The following ASH1L variants were observed in gnomAD, a reference collection of about 807,000 sequenced individuals.
ASH1L encodes ASH1 like histone lysine methyltransferase, also known as histone-lysine N-methyltransferase ASH1L.
Under a neutral mutation model 269.0 loss-of-function variants are expected in ASH1L, and 23 were observed. The observed-to-expected ratio is 0.09, with a 90% CI of 0.06 to 0.12. The LOEUF is 0.12. Ranked by LOEUF, ASH1L falls within the 10% of genes least tolerant of loss-of-function variation. ASH1L has a pLI of 1.00. For synonymous variants in ASH1L, 1,187 were observed against 1,253.5 expected, an observed-to-expected ratio of 0.95 and a Z score of 1.12; for missense variants, 2,912 against 3,567.8, an observed-to-expected ratio of 0.82 and a Z score of 4.68.
At chr1:155,521,669 T>C (rs1357777286) in intron 1 of ASH1L, 51 bp from the exon 2 acceptor site, 39 of 671,460 alleles carry the variant, frequency 5.8e-5, no homozygotes, top group Non-Finnish European at 2.4e-6. Flanking sequence ...CAACTACTGA[T>C]TAACATAAGT....
intron 2 of ASH1L, among the ~76,000 whole-genome samples, chr1:155,504,538 G>C (rs888893279): frequency 2.0e-5 from 3 of 151,992 alleles, no homozygotes; most frequent in Non-Finnish European, 4.4e-5. Flanking sequence ...TAAAATAAAA[G>C]TCAGGTACTT....
At chr1:155,381,753 T>C (rs1338169818) in intron 7 of ASH1L, among the ~76,000 whole-genome samples, 3 of 150,844 alleles carry the variant, frequency 2.0e-5, no homozygotes, top group Non-Finnish European at 2.9e-5. Flanking sequence ...CACACGCCTG[T>C]AATCCCAGCT....
At chr1:155,484,967 ACC>A (rs1666229390) in intron 2 of ASH1L, among the ~76,000 whole-genome samples, 2 of 141,328 alleles carry the variant, frequency 1.4e-5, no homozygotes, top group African/African-American at 2.7e-5. Flanking sequence ...AAAAACAAAA[ACC>A]AACCAACCAC....
Position 155,479,527 on chromosome 1 carries a change from T to A in ASH1L, c.3343A>T (p.Ser1115Cys). Residue 1115 changes from serine (S) to cysteine (C), a missense_variant, in exon 3 of 28, where the codon AGT (serine) becomes TGT (cysteine). Physicochemically the swap from Ser to Cys is moderately radical, Grantham distance 112. Transcript: ENST00000392403. ...SPICSQSSGT[S>C]GGQSPVSSDA... ...CTACTTACAGGGCTCTGACCTCCACTAGTCCCAGAAGACTGAGAGCAAATA... is the reference window on the plus strand; with the variant it reads ...CTACTTACAGGGCTCTGACCTCCACAAGTCCCAGAAGACTGAGAGCAAATA... 6.2e-7 allele frequency: 1 copy of A among 1,614,178 alleles called. No individual in the cohort carries two copies. Among genetic ancestry groups the A allele is most frequent in the South Asian group, 1.1e-5 (1 of 91,090 alleles).
chr1:155,419,079 A>G (rs144346936), intron 5 of ASH1L, among the ~76,000 whole-genome samples: 171 of 151,194 alleles, frequency 1.1e-3, no homozygotes, highest in African/African-American at 3.9e-3. Context: ...AATTAAACAA[A>G]AAAGCAGCAG....
chr1:155,403,884 C>T (rs957139773), intron 6 of ASH1L, among the ~76,000 whole-genome samples: 2 of 149,966 alleles, frequency 1.3e-5, no homozygotes, highest in African/African-American at 4.9e-5. Context: ...AAGGCCGTTC[C>T]TACCATTAAA....
rs1655864664 is a variant in ASH1L, at chr1:155,370,670, T to C, written c.6540-20A>G. On this transcript the variant is annotated intron_variant, in intron 11 of 27. Coordinates refer to ENST00000392403, the MANE Select transcript of ASH1L (RefSeq NM_018489.3). ...CTGTTCCTAAAGAGAAGATAAATGATTGAAAGACAATTAAAGAGTAGCTGA... is the reference window on the plus strand; with the variant it reads ...CTGTTCCTAAAGAGAAGATAAATGACTGAAAGACAATTAAAGAGTAGCTGA... 2.5e-6 allele frequency: 4 copies of C among 1,613,564 alleles called. No individual in the cohort carries two copies. The highest frequency in any genetic ancestry group is 4.5e-5 in the East Asian group (2 of 44,884).
intron 5 of ASH1L, among the ~76,000 whole-genome samples, chr1:155,431,505 A>G (rs1661597371): frequency 6.6e-6 from 1 of 151,980 alleles, no homozygotes; most frequent in South Asian, 2.1e-4. Flanking sequence ...TCACACCTGT[A>G]ATCTTAGCAC....
At chr1:155,372,400 C>T (rs12087625) in intron 10 of ASH1L, among the ~76,000 whole-genome samples, 7,181 of 152,016 alleles carry the variant, frequency 0.047, 195 homozygotes, top group Middle Eastern at 0.082. Context: ...CCTCTGCCTC[C>T]TGGATTCAAG....
intron 7 of ASH1L, among the ~76,000 whole-genome samples, chr1:155,384,269 T>C (rs968334260): frequency 2.0e-5 from 3 of 152,220 alleles, no homozygotes; most frequent in Non-Finnish European, 4.4e-5. Context: ...TTCCTTAATC[T>C]AAGAATGCCT....
intron 4 of ASH1L, 49 bp downstream of exon 4, chr1:155,459,748 A>G (rs762740673): frequency 6.9e-7 from 1 of 1,443,848 alleles, no homozygotes; most frequent in South Asian, 1.2e-5. Context: ...ATTCACAAAT[A>G]ACAAATGGGA....
intron 15 of ASH1L, among the ~76,000 whole-genome samples, chr1:155,354,893 G>T (rs919726466): frequency 6.6e-6 from 1 of 152,220 alleles, no homozygotes; most frequent in Non-Finnish European, 1.5e-5. Flanking sequence ...AGAAGGCAGA[G>T]ATTTATTTGT....
At chr1:155,375,595 T>C (rs1313524467) in intron 10 of ASH1L, among the ~76,000 whole-genome samples, 1 of 152,022 alleles carries the variant, frequency 6.6e-6, no homozygotes, top group African/African-American at 2.4e-5. Flanking sequence ...GAGACCAGCG[T>C]GGTCAACATG....
At chr1:155,515,197 T>C (rs1015792112) in intron 2 of ASH1L, among the ~76,000 whole-genome samples, 6 of 152,186 alleles carry the variant, frequency 3.9e-5, no homozygotes, top group African/African-American at 9.7e-5. Flanking sequence ...AGCCCAATTC[T>C]TCTCCAGGAC....
chr1:155,457,874 C>CTCAT (rs1170623515), intron 4 of ASH1L, among the ~76,000 whole-genome samples: 12 of 152,152 alleles, frequency 7.9e-5, no homozygotes, highest in Non-Finnish European at 1.8e-4. Context: ...TTATCAAAAT[C>CTCAT]TCATTCATTT....
intron 7 of ASH1L, among the ~76,000 whole-genome samples, chr1:155,383,459 T>C (rs898130603): frequency 6.6e-5 from 10 of 152,204 alleles, no homozygotes; most frequent in East Asian, 5.8e-4. Context: ...CATTTAGATA[T>C]GTAAATACTT....
intron 5 of ASH1L, among the ~76,000 whole-genome samples, chr1:155,421,942 C>G (rs1571168897): frequency 1.3e-5 from 2 of 152,106 alleles, no homozygotes; most frequent in African/African-American, 2.4e-5. Context: ...CAACCATCAC[C>G]AGTATCCATC....
At position 155,405,261 on chromosome 1, in the gene ASH1L, T is replaced by G. The variant is rs962617530; in HGVS notation, c.6009-9708A>C. Reference sequence around the variant, plus strand: ...TTTAGGGGGCTGAGGGGGGGGCAGATCACTTGAGGTCAGGAGTTCGAGACC... The same window carrying G: ...TTTAGGGGGCTGAGGGGGGGGCAGAGCACTTGAGGTCAGGAGTTCGAGACC... On this transcript the variant is annotated intron_variant, in intron 6 of 27. Transcript: ENST00000392403. 4.6e-5 allele frequency among the ~76,000 whole-genome samples: 7 copies of G among 151,590 alleles called. No individual in the cohort carries two copies. In the South Asian group the frequency reaches 1.0e-3, roughly 23 times the overall value.
intron 6 of ASH1L, among the ~76,000 whole-genome samples, chr1:155,401,750 T>C (rs893295678): frequency 6.6e-6 from 1 of 151,798 alleles, no homozygotes; most frequent in Non-Finnish European, 1.5e-5. Context: ...ATCGTGCTAT[T>C]GCACACCAGC....
Sources: gnomAD v4.1 joint callset for allele counts (sites outside exome capture counted in the v4.1 genomes callset) on GRCh38, gnomAD v4.1.1 for gene constraint, MANE v1.5 for transcripts, NCBI Gene and HGNC (gene_info 2026-07-23, HGNC 2026-07-21) for gene names.